The following DCBLD1 variants were observed in gnomAD, a reference collection of about 807,000 sequenced individuals.
DCBLD1 encodes the protein discoidin, CUB and LCCL domain-containing protein 1.
DCBLD1 carries 57 observed loss-of-function variants against 71.5 expected under a neutral mutation model. The observed-to-expected ratio is 0.80, with a 90% CI of 0.64 to 0.99. The LOEUF (loss-of-function observed/expected upper bound fraction) is 0.99. DCBLD1 is among the 50% of genes least tolerant of loss of function. DCBLD1 has a pLI of 0.00. For missense variants in DCBLD1, 891 were observed against 923.5 expected, an observed-to-expected ratio of 0.96 and a Z score of 0.46; for synonymous variants, 380 against 363.8, an observed-to-expected ratio of 1.04 and a Z score of -0.51.
intron 12 of DCBLD1, among the ~76,000 whole-genome samples, chr6:117,543,492 C>A (rs1418391129): frequency 6.6e-6 from 1 of 152,148 alleles, no homozygotes; most frequent in East Asian, 1.9e-4. Context: ...CCTGCCTCAA[C>A]CTCCTGAGTA....
At chr6:117,514,549 G>A (rs886313070) in intron 2 of DCBLD1, among the ~76,000 whole-genome samples, 13 of 148,774 alleles carry the variant, frequency 8.7e-5, no homozygotes, top group African/African-American at 3.2e-4. Context: ...CCGTGATCAC[G>A]CCACTGCACT....
intron 4 of DCBLD1, 101 bp from the exon 5 acceptor site, chr6:117,525,261 T>C: frequency 2.4e-6 from 2 of 845,434 alleles, no homozygotes; most frequent in Non-Finnish European, 3.2e-6. Context: ...AAGCAAGATA[T>C]TATATGGAGG....
intron 1 of DCBLD1, 65 bp downstream of exon 1, chr6:117,482,958 G>GAC: frequency 1.6e-6 from 1 of 618,518 alleles, no homozygotes; most frequent in Non-Finnish European, 1.9e-6. Context: ...AGGGCTGCGG[G>GAC]GCGGGCCGGG....
intron 2 of DCBLD1, among the ~76,000 whole-genome samples, chr6:117,511,757 G>A (rs1264019037): frequency 6.6e-6 from 1 of 152,118 alleles, no homozygotes; most frequent in African/African-American, 2.4e-5. Context: ...TTTTACAAAT[G>A]GTTTATATGT....
intron 5 of DCBLD1, among the ~76,000 whole-genome samples, chr6:117,531,849 A>G (rs893596284): frequency 6.6e-6 from 1 of 152,252 alleles, no homozygotes; most frequent in Non-Finnish European, 1.5e-5. Context: ...ATTTCTGCTT[A>G]ACAAGCCACT....
Position 117,537,224 on chromosome 6 carries a change from T to C in DCBLD1, c.759T>C (p.Asn253=). ...ACAAGCGATTTCTGTTTACCTCCAATGGTAAGGATCATGCTTTCCTTAAGA... is the reference window on the plus strand; with the variant it reads ...ACAAGCGATTTCTGTTTACCTCCAACGGTAAGGATCATGCTTTCCTTAAGA... ...LSDKRFLFTS[N]GCSRSLSFEP... is the part of the protein sequence containing the mutation. The change falls in exon 7 of 15, where the codon AAT becomes AAC. Residue 253 remains asparagine, a splice_region_variant and synonymous_variant. Coordinates refer to ENST00000338728, the MANE Select transcript of DCBLD1 (RefSeq NM_001366458.2). 10 of 1,613,880 alleles carry C rather than the reference T, an allele frequency of 6.2e-6. No homozygotes were observed. The highest frequency in any genetic ancestry group is 8.5e-6 in the Non-Finnish European group (10 of 1,179,802).
At chr6:117,506,136 GCTCT>G in intron 2 of DCBLD1, among the ~76,000 whole-genome samples, 1 of 151,840 alleles carries the variant, frequency 6.6e-6, no homozygotes, top group Non-Finnish European at 1.5e-5. Flanking sequence ...CACCTGCTTG[GCTCT>G]TACATATATT....
At chr6:117,529,008 T>C (rs1778630440) in intron 5 of DCBLD1, among the ~76,000 whole-genome samples, 2 of 152,028 alleles carry the variant, frequency 1.3e-5, no homozygotes, top group Admixed American at 1.3e-4. Context: ...GCCCGGCTAA[T>C]TTTTTGTATT....
At chr6:117,482,953 TGCGGGGCGGGCCGGGCCGGGCCGAGGGC>T (rs1233331220) in intron 1 of DCBLD1, 60 bp downstream of exon 1, 1 of 1,074,988 alleles carries the variant, frequency 9.3e-7, no homozygotes, top group East Asian at 5.7e-5. Flanking sequence ...GGCTGAGGGC[TGCGGGGCGGGCCGGGCCGGGCCGAGGGC>T]TACGGGGCGG....
chr6:117,517,953 T>G (rs1353148272), intron 2 of DCBLD1, among the ~76,000 whole-genome samples: 1 of 152,212 alleles, frequency 6.6e-6, no homozygotes, highest in Non-Finnish European at 1.5e-5. Flanking sequence ...GTCTTGGGGA[T>G]TAACATTCAG....
At position 117,539,356 on chromosome 6, in the gene DCBLD1, G is replaced by T; in HGVS notation, c.1078G>T (p.Gly360Ter). The T allele has an allele frequency of 2.5e-6, 4 of 1,603,804 alleles. No homozygotes were observed. The highest frequency in any genetic ancestry group is 3.4e-6 in the Non-Finnish European group (4 of 1,177,900). The change falls in exon 9 of 15, where the codon GGA (glycine) becomes TGA (stop). Residue 360 changes from glycine (G) to a stop codon, truncating the protein, a stop_gained. Coordinates refer to ENST00000338728, the MANE Select transcript of DCBLD1 (RefSeq NM_001366458.2). LOFTEE classifies it high-confidence loss of function. ...NNNSKWKTYK[G>*]IVNNEEKVFQ... ...TAATTCTAAGTGGAAGACCTATAAA[G>T]GAATTGTGAATAATGAAGAAAAGGT...
Position 117,540,785 on chromosome 6 carries a change from G to C in DCBLD1, c.1219G>C (p.Val407Leu), listed in dbSNP as rs1158050949. ...QTWHQRIALK[V>L]ELIGCQITQG... ...ATGGCACCAGAGGATAGCCTTGAAG[G>C]TGGAGCTCATTGGTTGCCAGATTAC... The change falls in exon 10 of 15, where the codon GTG becomes CTG. Residue 407 changes from valine to leucine, a missense_variant. Val to Leu is a conservative substitution (Grantham distance 32). Transcript: ENST00000338728. 6.2e-7 allele frequency: 1 copy of C among 1,614,248 alleles called. No homozygotes were observed. The highest frequency in any genetic ancestry group is 1.1e-5 in the South Asian group (1 of 91,086).
chr6:117,488,847 T>C (rs1777182932), intron 1 of DCBLD1, among the ~76,000 whole-genome samples: 2 of 152,222 alleles, frequency 1.3e-5, no homozygotes, highest in South Asian at 2.1e-4. Context: ...CAAACATCAT[T>C]TGGGGACAGT....
At chr6:117,566,090 G>C (rs1779690941) in intron 14 of DCBLD1, among the ~76,000 whole-genome samples, 1 of 152,154 alleles carries the variant, frequency 6.6e-6, no homozygotes, top group African/African-American at 2.4e-5. Flanking sequence ...TGGCAAGGAA[G>C]AAAACAATGA....
chr6:117,566,969 T>C (rs1779710791), intron 14 of DCBLD1: 2 of 1,610,242 alleles, frequency 1.2e-6, no homozygotes, highest in Non-Finnish European at 1.7e-6. Flanking sequence ...CTTCATACTC[T>C]ACGTTTTCAT....
In DCBLD1 at chr6:117,545,525, G is replaced by A. The variant is rs1004859719; in HGVS notation, c.1543G>A (p.Glu515Lys). The change falls in exon 14 of 15, where the codon GAG becomes AAG. Residue 515 changes from glutamate to lysine, a missense_variant. Coordinates refer to ENST00000338728, the MANE Select transcript of DCBLD1 (RefSeq NM_001366458.2). ...KYPFARHQSAEFTISYDNEKE... is the reference protein window; with the variant it reads ...KYPFARHQSAKFTISYDNEKE... ...TCCCTTTGCCAGACATCAGTCAGCT[G>A]AGTTTACCATCAGCTATGATAATGA... The A allele has an allele frequency of 1.2e-6, 2 of 1,614,180 alleles. No homozygotes were observed. Among genetic ancestry groups the A allele is most frequent in the East Asian group, 4.5e-5 (2 of 44,880 alleles).
Position 117,541,021 on chromosome 6 carries a change from C to G in DCBLD1, c.1353C>G (p.Ser451=), listed in dbSNP as rs375715784. ...GGCCCATCCCCTCGGAAGAAACATC[C>G]ACAGGTAGAGCCGTGATTGTCTGTG... The part of the protein sequence containing the change: ...ITRPIPSEET[S]TGINITTVAI... The change falls in exon 11 of 15, where the codon TCC becomes TCG. Residue 451 remains serine, a synonymous_variant. Transcript: ENST00000338728. The G allele has an allele frequency of 6.2e-7, 1 of 1,614,078 alleles. No homozygotes were observed. Among genetic ancestry groups the G allele is most frequent in the Non-Finnish European group, 8.5e-7 (1 of 1,179,986 alleles).
Position 117,548,211 on chromosome 6 carries a change from C to T in DCBLD1, c.1920C>T (p.Ser640=). The T allele has an allele frequency of 5.8e-6, 9 of 1,550,564 alleles. No homozygotes were observed. Among genetic ancestry groups the T allele is most frequent in the Non-Finnish European group, 7.8e-6 (9 of 1,146,972 alleles). ...ACTCCCTCTCCTCGGGCGGCTTCTC[C>T]CCCGTAGCGGGTGTGGGCGCCCAGG... is the stretch of plus-strand genomic sequence containing the variant. ...HKHSLSSGGF[S]PVAGVGAQDG... The change falls in exon 15 of 15, where the codon TCC becomes TCT. Residue 640 remains serine, a synonymous_variant. Transcript: ENST00000338728.
intron 5 of DCBLD1, among the ~76,000 whole-genome samples, chr6:117,530,467 G>A (rs370622684): frequency 2.6e-5 from 4 of 152,174 alleles, no homozygotes; most frequent in African/African-American, 9.7e-5. Context: ...TAGAGCTCAG[G>A]CGGTAATGTG....
Sources: gnomAD v4.1 joint callset for allele counts (sites outside exome capture counted in the v4.1 genomes callset) on GRCh38, gnomAD v4.1.1 for gene constraint, MANE v1.5 for transcripts, NCBI Gene and HGNC (gene_info 2026-07-23, HGNC 2026-07-21) for gene names.